EDC3: variants seen among roughly 807,000 people sequenced by gnomAD.
EDC3 encodes the protein enhancer of mRNA decapping 3, also known as enhancer of mRNA-decapping protein 3.
Under a neutral mutation model 41.8 loss-of-function variants are expected in EDC3, and 20 were observed. The observed-to-expected ratio is 0.48, with a 90% CI of 0.34 to 0.70. The LOEUF is 0.70. EDC3 is among the 30% of genes least tolerant of loss of function. The pLI, the probability that EDC3 is intolerant of heterozygous loss-of-function variation, is 0.01. For synonymous variants in EDC3, 206 were observed against 243.2 expected, an observed-to-expected ratio of 0.85 and a Z score of 1.42; for missense variants, 444 against 636.8, an observed-to-expected ratio of 0.70 and a Z score of 3.26.
intron 1 of EDC3, among the ~76,000 whole-genome samples, chr15:74,686,403 C>A (rs2062938154): frequency 6.6e-6 from 1 of 151,958 alleles, no homozygotes; most frequent in African/African-American, 2.4e-5. Flanking sequence ...AGGGGAGTCA[C>A]TTGAAATTGG....
chr15:74,690,060 A>T (rs189426152), intron 1 of EDC3, among the ~76,000 whole-genome samples: 64 of 152,178 alleles, frequency 4.2e-4, no homozygotes, highest in African/African-American at 1.4e-3. Context: ...TTCCACTTCT[A>T]AAAAAAACTA....
At chr15:74,690,560 A>C (rs1408286450) in intron 1 of EDC3, among the ~76,000 whole-genome samples, 1 of 152,270 alleles carries the variant, frequency 6.6e-6, no homozygotes, top group African/African-American at 2.4e-5. Context: ...TGGATGAGTG[A>C]GTAGTTATAG....
chr15:74,661,427 T>C (rs570265764), intron 3 of EDC3, among the ~76,000 whole-genome samples: 26 of 152,230 alleles, frequency 1.7e-4, no homozygotes, highest in African/African-American at 5.5e-4. Flanking sequence ...TAAAGTTTTA[T>C]TGGCGCACAG....
intron 1 of EDC3, among the ~76,000 whole-genome samples, chr15:74,694,626 C>T (rs1029106881): frequency 5.9e-5 from 9 of 152,212 alleles, no homozygotes; most frequent in Non-Finnish European, 1.2e-4. Flanking sequence ...TCAAACTATA[C>T]GTCATGACCT....
chr15:74,670,590 C>T (rs1393714187), intron 3 of EDC3, among the ~76,000 whole-genome samples: 2 of 152,062 alleles, frequency 1.3e-5, no homozygotes, highest in Admixed American at 6.6e-5. Context: ...CCTCCACGTC[C>T]GGATAATTTT....
chr15:74,669,498 C>T (rs1277346769), intron 3 of EDC3, among the ~76,000 whole-genome samples: 5 of 146,998 alleles, frequency 3.4e-5, no homozygotes, highest in Non-Finnish European at 3.0e-5. Context: ...GGCAACAGAG[C>T]AAGGCTCCAT....
chr15:74,645,576 G>T lies in EDC3; in HGVS notation c.821-4957C>A, dbSNP rs903168186. The stretch of plus-strand genomic sequence containing the variant: ...CAATAAAAAAAGTTGGGGGGGGGGG[G>T]GTGCCAGGCAGGTGGCTCATGCCCG... On this transcript the variant is annotated intron_variant, in intron 4 of 6. Coordinates refer to ENST00000315127, the MANE Select transcript of EDC3 (RefSeq NM_025083.5). Among the ~76,000 whole-genome samples the T allele has an allele frequency of 5.1e-5, 7 of 138,116 alleles. No individual in the cohort carries two copies. The East Asian group carries it at 9.4e-4, about 18-fold the overall frequency. 90.6% of individuals were successfully genotyped at this position (138,116 alleles called of 152,430 possible). A position where few individuals can be genotyped will look rare whatever the true frequency, so the allele number is the denominator to read the frequency against.
intron 3 of EDC3, among the ~76,000 whole-genome samples, chr15:74,662,936 T>TAC (rs2062636696): frequency 2.0e-5 from 3 of 152,126 alleles, no homozygotes; most frequent in African/African-American, 7.2e-5. Flanking sequence ...TGAAGGCAGG[T>TAC]CAGACTTGCC....
intron 1 of EDC3, among the ~76,000 whole-genome samples, chr15:74,682,740 G>A (rs1463394537): frequency 1.3e-5 from 2 of 151,540 alleles, no homozygotes; most frequent in Non-Finnish European, 1.5e-5. Flanking sequence ...ACCTGTACGT[G>A]GGCTGGGCGC....
At chr15:74,664,837 G>A (rs187380668) in intron 3 of EDC3, among the ~76,000 whole-genome samples, 56 of 152,204 alleles carry the variant, frequency 3.7e-4, no homozygotes, top group African/African-American at 1.3e-3. Context: ...TGAACAGACC[G>A]TTAAAGCCCA....
chr15:74,646,368 C>T (rs1390613069), intron 4 of EDC3, among the ~76,000 whole-genome samples: 1 of 152,162 alleles, frequency 6.6e-6, no homozygotes, highest in East Asian at 1.9e-4. Flanking sequence ...CCACTGTGTC[C>T]GGCCCCCCAG....
At chr15:74,682,254 G>A (rs981550678) in intron 1 of EDC3, among the ~76,000 whole-genome samples, 2 of 151,938 alleles carry the variant, frequency 1.3e-5, no homozygotes, top group Non-Finnish European at 2.9e-5. Flanking sequence ...CCTGGGAGGC[G>A]CAGGTTGCAG....
At chr15:74,675,479 G>A (rs982770915) in intron 1 of EDC3, among the ~76,000 whole-genome samples, 4 of 150,916 alleles carry the variant, frequency 2.7e-5, no homozygotes, top group Admixed American at 2.6e-4. Context: ...AAGAGAGTAT[G>A]TTGCTGAGAA....
rs1255580867 is a variant in EDC3 at position 74,671,706 on chromosome 15, T to A, written c.233A>T (p.Asp78Val). ...GGGGCCTAATTCTGTTTGATGAAGGTCTCCAAAATGTTGGTTGTCTCCAGG... is the reference window on the plus strand; with the variant it reads ...GGGGCCTAATTCTGTTTGATGAAGGACTCCAAAATGTTGGTTGTCTCCAGG... ...PGPGDNQHFGDLHQTELGPSG... is the reference protein window; with the variant it reads ...PGPGDNQHFGVLHQTELGPSG... The change falls in exon 3 of 7, where the codon GAC becomes GTC. Residue 78 changes from aspartate (D) to valine (V), a missense_variant. By Grantham distance (152) the Asp-to-Val change is radical (BLOSUM62 -3). Transcript: ENST00000315127. This position sits in a 1 kb window ranked among gnomAD's most constrained non-coding sequence, Gnocchi z 4.6. 2.0e-5 allele frequency: 32 copies of A among 1,614,108 alleles called. No individual in the cohort carries two copies. In the East Asian group the frequency reaches 2.7e-4, roughly 13 times the overall value.
chr15:74,633,377 C>G (rs1470345591), intron 6 of EDC3, among the ~76,000 whole-genome samples: 1 of 152,244 alleles, frequency 6.6e-6, no homozygotes, highest in Non-Finnish European at 1.5e-5. Flanking sequence ...CCAGCAAAAA[C>G]AGGAGCTGAC....
chr15:74,685,441 T>A (rs1160836433), intron 1 of EDC3, among the ~76,000 whole-genome samples: 1 of 152,154 alleles, frequency 6.6e-6, no homozygotes, highest in Non-Finnish European at 1.5e-5. Flanking sequence ...AGATAGTGTG[T>A]GTGTCACCCC....
At chr15:74,655,257 TAAG>T (rs1272613035) in intron 4 of EDC3, among the ~76,000 whole-genome samples, 1 of 152,250 alleles carries the variant, frequency 6.6e-6, no homozygotes, top group Non-Finnish European at 1.5e-5. Flanking sequence ...TAACAGGAGA[TAAG>T]AACAGCATAG....
At chr15:74,683,474 G>A (rs142772688) in intron 1 of EDC3, among the ~76,000 whole-genome samples, 120 of 152,322 alleles carry the variant, frequency 7.9e-4, no homozygotes, top group Admixed American at 1.9e-3. Flanking sequence ...GGCGGAGGTC[G>A]CAGTGAGCTG....
intron 5 of EDC3, 98 bp downstream of exon 5, chr15:74,640,368 C>A: frequency 7.3e-7 from 1 of 1,363,068 alleles, no homozygotes; most frequent in South Asian, 1.3e-5. Context: ...CAGAAACTGC[C>A]TAATGAACTC....
Sources: gnomAD v4.1 joint callset for allele counts (sites outside exome capture counted in the v4.1 genomes callset) on GRCh38, gnomAD v4.1.1 for gene constraint, Gnocchi (gnomAD v3.1) non-coding constraint, MANE v1.5 for transcripts, NCBI Gene and HGNC (gene_info 2026-07-23, HGNC 2026-07-21) for gene names.